Variants in ACSS3 observed in about 807,000 individuals in gnomAD.
ACSS3 encodes acyl-CoA synthetase short chain family member 3, also known as acyl-CoA synthetase short-chain family member 3, mitochondrial.
ACSS3 carries 64 observed loss-of-function variants against 84.2 expected under a neutral mutation model. The observed-to-expected ratio is 0.76, with a 90% confidence interval of 0.62 to 0.94. The LOEUF (loss-of-function observed/expected upper bound fraction) is 0.94, where lower values mean the gene tolerates loss of function less well. Among genes scored for constraint, ACSS3 ranks in the 40% least tolerant of loss-of-function variants. The probability of loss-of-function intolerance (pLI) is 0.00; values close to 1 mark genes in which losing one functional copy is unlikely to be tolerated. For missense variants in ACSS3, 815 were observed against 867.6 expected, an observed-to-expected ratio of 0.94 and a Z score of 0.76; for synonymous variants, 317 against 310.1, an observed-to-expected ratio of 1.02 and a Z score of -0.23.
intron 8 of ACSS3, among the ~76,000 whole-genome samples, chr12:81,194,295 A>G (rs1366208607): frequency 1.3e-5 from 2 of 151,856 alleles, no homozygotes; most frequent in South Asian, 2.1e-4. Flanking sequence ...CATTAATTAT[A>G]TCTTATTCCT....
chr12:81,098,876 C>T (rs1732275282), intron 1 of ACSS3, among the ~76,000 whole-genome samples: 1 of 152,096 alleles, frequency 6.6e-6, no homozygotes, highest in African/African-American at 2.4e-5. Context: ...TTAGTTTGTA[C>T]CTCTGTCAGG....
At chr12:81,104,960 A>G (rs1331404710) in intron 1 of ACSS3, 2 of 152,232 alleles carry the variant, frequency 1.3e-5, no homozygotes, top group African/African-American at 4.8e-5. Context: ...GGGCTTCAGC[A>G]TAACCATCAC....
intron 2 of ACSS3, among the ~76,000 whole-genome samples, chr12:81,112,456 G>A (rs1212467521): frequency 1.7e-4 from 26 of 152,194 alleles, no homozygotes; most frequent in Admixed American, 1.7e-3. Context: ...CATATGTTTT[G>A]CTTAGAAGCT....
chr12:81,186,082 C>G (rs2031237304), intron 8 of ACSS3, among the ~76,000 whole-genome samples: 2 of 151,668 alleles, frequency 1.3e-5, no homozygotes. Context: ...TAAGTCTTGA[C>G]AAGCACACCA....
At chr12:81,125,168 T>A (rs920242906) in intron 2 of ACSS3, among the ~76,000 whole-genome samples, 1 of 151,942 alleles carries the variant, frequency 6.6e-6, no homozygotes. Context: ...GAGCCGAGAT[T>A]GCGCCACCGC....
intron 1 of ACSS3, among the ~76,000 whole-genome samples, chr12:81,082,190 G>A (rs142077955): frequency 9.1e-4 from 139 of 152,284 alleles, no homozygotes; most frequent in African/African-American, 3.2e-3. Context: ...ACGGTACCTG[G>A]TAGGTTTTCG....
At chr12:81,198,369 T>C (rs547915024) in intron 8 of ACSS3, among the ~76,000 whole-genome samples, 9 of 152,316 alleles carry the variant, frequency 5.9e-5, no homozygotes, top group Non-Finnish European at 7.3e-5. Context: ...CAGAATGTTA[T>C]TGGAACATAG....
At chr12:81,219,868 A>G in intron 10 of ACSS3, 145 bp from the exon 11 acceptor site, 1 of 430,102 alleles carries the variant, frequency 2.3e-6, no homozygotes, top group Non-Finnish European at 4.0e-6. Flanking sequence ...AAGATATTTT[A>G]GTTTATATTT....
chr12:81,243,669 T>C (rs1356069212), intron 13 of ACSS3, among the ~76,000 whole-genome samples: 1 of 152,114 alleles, frequency 6.6e-6, no homozygotes, highest in East Asian at 1.9e-4. Context: ...GAGATATAGA[T>C]GAATGGAACA....
intron 5 of ACSS3, among the ~76,000 whole-genome samples, chr12:81,145,179 G>A (rs1246870312): frequency 2.0e-5 from 3 of 149,104 alleles, no homozygotes; most frequent in Non-Finnish European, 4.4e-5. Flanking sequence ...GCCTCCCAAA[G>A]TGCTGGGATT....
intron 9 of ACSS3, among the ~76,000 whole-genome samples, chr12:81,200,632 A>G (rs989689217): frequency 1.3e-5 from 2 of 152,106 alleles, no homozygotes; most frequent in Non-Finnish European, 2.9e-5. Flanking sequence ...GCTCACGCCT[A>G]TAATTCCTGC....
chr12:81,213,969 T>TTCTC (rs2032789345), intron 9 of ACSS3, among the ~76,000 whole-genome samples: 2 of 27,464 alleles, frequency 7.3e-5, no homozygotes, highest in African/African-American at 1.9e-4. Context: ...CTTTCTTTCT[T>TTCTC]TCTTTCTTTC....
At chr12:81,126,728 T>G (rs1412714431) in intron 2 of ACSS3, among the ~76,000 whole-genome samples, 1 of 152,148 alleles carries the variant, frequency 6.6e-6, no homozygotes, top group Non-Finnish European at 1.5e-5. Flanking sequence ...TATTTTGAGC[T>G]TGAACTAAAG....
At position 81,194,073 on chromosome 12, in the gene ACSS3, TA is replaced by T. The variant is rs1451399231; in HGVS notation, c.1251-5267del. 1.4e-4 allele frequency among the ~76,000 whole-genome samples: 21 copies of T among 151,714 alleles called. No homozygotes were observed. In the East Asian group the frequency reaches 1.7e-3, roughly 13 times the overall value. Reference sequence around the variant, plus strand: ...GGAATTTAGCTGTTGAAAAGGTTACTATTTTTTTTTTATAAACCACTGTACT... The same window carrying T: ...GGAATTTAGCTGTTGAAAAGGTTACTTTTTTTTTTTATAAACCACTGTACT... On this transcript the variant is annotated intron_variant, in intron 8 of 15. Transcript: ENST00000548058.
At chr12:81,104,976 G>C (rs192934439) in intron 1 of ACSS3, 1 of 152,140 alleles carries the variant, frequency 6.6e-6, no homozygotes, top group Non-Finnish European at 1.5e-5. Flanking sequence ...ATCACCCAAA[G>C]AGCGTATGTT....
At chr12:81,244,835 C>T (rs1214374561) in intron 13 of ACSS3, among the ~76,000 whole-genome samples, 1 of 152,016 alleles carries the variant, frequency 6.6e-6, no homozygotes, top group African/African-American at 2.4e-5. Context: ...TAAAAAATAT[C>T]ATGTTCAGAT....
chr12:81,153,451 G>T (rs1316262185), intron 7 of ACSS3, among the ~76,000 whole-genome samples: 1 of 151,590 alleles, frequency 6.6e-6, no homozygotes, highest in African/African-American at 2.4e-5. Flanking sequence ...TGGCTAGTCT[G>T]ACAAATAATA....
chr12:81,128,594 A>G (rs1331362179), intron 2 of ACSS3, among the ~76,000 whole-genome samples: 2 of 152,176 alleles, frequency 1.3e-5, no homozygotes, highest in Non-Finnish European at 2.9e-5. Context: ...AACAAATTTA[A>G]GAAGGTGCAA....
intron 5 of ACSS3, chr12:81,151,559 T>C (rs1362048592): frequency 3.7e-6 from 1 of 271,058 alleles, no homozygotes; most frequent in Non-Finnish European, 7.0e-6. Context: ...TTAGAAAAGT[T>C]TGTATTGCAT....
Sources: gnomAD v4.1 joint callset for allele counts (sites outside exome capture counted in the v4.1 genomes callset) on GRCh38, gnomAD v4.1.1 for gene constraint, MANE v1.5 for transcripts, NCBI Gene and HGNC (gene_info 2026-07-23, HGNC 2026-07-21) for gene names.